The following NRG3 variants were observed in gnomAD, a reference collection of about 807,000 sequenced individuals.
NRG3 encodes the protein pro-neuregulin-3, membrane-bound isoform.
NRG3 carries 31 observed loss-of-function variants against 66.9 expected under a neutral mutation model. The observed-to-expected ratio is 0.46, with a 90% CI of 0.35 to 0.63. The LOEUF (loss-of-function observed/expected upper bound fraction) is 0.63. NRG3 is among the 20% of genes least tolerant of loss of function. The probability of loss-of-function intolerance (pLI) is 0.00; values close to 1 mark genes in which losing one functional copy is unlikely to be tolerated. For synonymous variants in NRG3, 393 were observed against 359.4 expected, an observed-to-expected ratio of 1.09 and a Z score of -1.06; for missense variants, 910 against 878.9, an observed-to-expected ratio of 1.04 and a Z score of -0.45.
intron 2 of NRG3, among the ~76,000 whole-genome samples, chr10:82,517,603 C>G (rs1845779695): frequency 6.6e-6 from 1 of 151,248 alleles, no homozygotes; most frequent in Non-Finnish European, 1.5e-5. Context: ...AATCTTCACT[C>G]CTTGTCTCTC....
chr10:82,137,492 G>T (rs1000718087), intron 1 of NRG3, among the ~76,000 whole-genome samples: 11 of 152,052 alleles, frequency 7.2e-5, no homozygotes, highest in Non-Finnish European at 1.2e-4. Flanking sequence ...AAATAAATAG[G>T]TTCATGTAGG....
intron 1 of NRG3, chr10:82,232,622 TA>T: frequency 1.6e-6 from 1 of 618,720 alleles, no homozygotes; most frequent in African/African-American, 1.8e-5. Context: ...GCTGCATCTA[TA>T]AATATTATGA....
intron 1 of NRG3, among the ~76,000 whole-genome samples, chr10:82,347,636 C>G (rs2083117585): frequency 6.6e-6 from 1 of 151,974 alleles, no homozygotes; most frequent in Non-Finnish European, 1.5e-5. Context: ...GACTTTCTGT[C>G]TCATTGGTCT....
At chr10:81,995,468 T>TCGAAACC (rs964747292) in intron 1 of NRG3, among the ~76,000 whole-genome samples, 1 of 152,168 alleles carries the variant, frequency 6.6e-6, no homozygotes, top group African/African-American at 2.4e-5. Flanking sequence ...TGGCAGCAAC[T>TCGAAACC]CGAAACCCCT....
intron 4 of NRG3, among the ~76,000 whole-genome samples, chr10:82,875,417 G>T (rs1841723332): frequency 6.6e-6 from 1 of 152,138 alleles, no homozygotes; most frequent in African/African-American, 2.4e-5. Context: ...GAGTGCAGTG[G>T]TGTAATCGTG....
At chr10:82,476,468 G>A (rs1005062779) in intron 2 of NRG3, among the ~76,000 whole-genome samples, 6 of 152,116 alleles carry the variant, frequency 3.9e-5, no homozygotes, top group Non-Finnish European at 5.9e-5. Flanking sequence ...GTCCTTTGAT[G>A]GATGAATACA....
At chr10:82,784,339 A>G (rs1172157190) in intron 3 of NRG3, among the ~76,000 whole-genome samples, 2 of 150,054 alleles carry the variant, frequency 1.3e-5, no homozygotes. Flanking sequence ...AATGGCAACA[A>G]AAGCCAAAAT....
chr10:82,922,318 A>C (rs1846511144), intron 4 of NRG3, among the ~76,000 whole-genome samples: 1 of 152,106 alleles, frequency 6.6e-6, no homozygotes, highest in South Asian at 2.1e-4. Context: ...ATTTCTCCTG[A>C]GAGTATAGAA....
At chr10:82,805,003 A>G (rs989206917) in intron 3 of NRG3, among the ~76,000 whole-genome samples, 4 of 152,214 alleles carry the variant, frequency 2.6e-5, no homozygotes, top group African/African-American at 9.6e-5. Flanking sequence ...TATTGAAGCC[A>G]ATCATGTAAT....
chr10:81,893,043 AT>A (rs543785868), intron 1 of NRG3, among the ~76,000 whole-genome samples: 48 of 152,238 alleles, frequency 3.2e-4, no homozygotes, highest in African/African-American at 1.0e-3. Flanking sequence ...CTAGTTTATC[AT>A]TTTTTTCCAC....
chr10:82,712,204 A>ATATAT (rs10658972), intron 2 of NRG3, among the ~76,000 whole-genome samples: 136,487 of 151,714 alleles, frequency 0.9, 61,539 homozygotes, highest in East Asian at 1. Flanking sequence ...TAGGGATTTT[A>ATATAT]TATATTCTAT....
intron 2 of NRG3, among the ~76,000 whole-genome samples, chr10:82,623,575 A>G (rs1272093466): frequency 6.6e-6 from 1 of 152,146 alleles, no homozygotes; most frequent in Admixed American, 6.6e-5. Flanking sequence ...ATAGACATGG[A>G]CCCAGTCTTC....
chr10:82,072,438 GTGAT>G (rs1280964031), intron 1 of NRG3, among the ~76,000 whole-genome samples: 2 of 152,186 alleles, frequency 1.3e-5, no homozygotes, highest in Middle Eastern at 3.2e-3. Context: ...TGAATAATGA[GTGAT>G]TGATAGGATA....
intron 2 of NRG3, among the ~76,000 whole-genome samples, chr10:82,416,808 T>C (rs900838694): frequency 1.3e-5 from 2 of 152,184 alleles, no homozygotes; most frequent in Non-Finnish European, 2.9e-5. Flanking sequence ...AAGTCAGGTC[T>C]AAATTCACCT....
At chr10:82,281,694 G>T (rs1317947323) in intron 1 of NRG3, among the ~76,000 whole-genome samples, 1 of 152,100 alleles carries the variant, frequency 6.6e-6, no homozygotes, top group Non-Finnish European at 1.5e-5. Context: ...GGAGCCAGAG[G>T]TGCTTTCCCT....
chr10:82,583,138 G>A lies in NRG3; in HGVS notation c.954-155439G>A, dbSNP rs17673996. Among the ~76,000 whole-genome samples, 1,265 of 152,270 alleles carry A rather than the reference G, an allele frequency of 8.3e-3. 12 individuals carry two copies. Among genetic ancestry groups the A allele is most frequent in the Middle Eastern group, 0.068 (20 of 292 alleles). Reference sequence around the variant, plus strand: ...GGGTGTGTTCAAGAAATACTGGGAAGAGGATTAAAAAATAGTGACAAAAAT... The same window carrying A: ...GGGTGTGTTCAAGAAATACTGGGAAAAGGATTAAAAAATAGTGACAAAAAT... On this transcript the variant is annotated intron_variant, in intron 2 of 8. Transcript: ENST00000372141.
At chr10:82,372,437 G>A (rs1050612529) in intron 2 of NRG3, among the ~76,000 whole-genome samples, 6 of 152,140 alleles carry the variant, frequency 3.9e-5, no homozygotes, top group Non-Finnish European at 7.3e-5. Flanking sequence ...AGAAGAGTGC[G>A]ATTCTTCAAG....
intron 1 of NRG3, among the ~76,000 whole-genome samples, chr10:81,928,238 C>G (rs1188533387): frequency 6.6e-6 from 1 of 152,256 alleles, no homozygotes; most frequent in Admixed American, 6.5e-5. Flanking sequence ...GAGCATTTGT[C>G]CTTAACCCCA....
At chr10:82,069,335 CAG>C (rs1451985151) in intron 1 of NRG3, among the ~76,000 whole-genome samples, 1 of 152,162 alleles carries the variant, frequency 6.6e-6, no homozygotes, top group Non-Finnish European at 1.5e-5. Flanking sequence ...AGTGAAATAA[CAG>C]GTACTGATGT....
Sources: allele counts gnomAD v4.1 joint callset (sites outside exome capture counted in the v4.1 genomes callset), GRCh38; gene constraint gnomAD v4.1.1; transcripts MANE v1.5; gene names NCBI Gene and HGNC (gene_info 2026-07-23, HGNC 2026-07-21).